Variants in DCAF16 observed in about 807,000 individuals in gnomAD.
DCAF16 encodes DDB1- and CUL4-associated factor 16.
In DCAF16, 10 loss-of-function variants were observed where a neutral mutation model predicts 17.3. The ratio of observed to expected loss-of-function variants is 0.58; its 90% CI spans 0.36 to 0.98. The LOEUF is 0.98. Among genes scored for constraint, DCAF16 ranks in the 50% least tolerant of loss-of-function variants. The pLI is 0.01. For missense variants in DCAF16, 249 were observed against 247.6 expected (o/e 1.01, Z -0.04); for synonymous variants, 111 against 92.8 (o/e 1.20, Z -1.12).
the DCAF16 span, among the ~76,000 whole-genome samples, chr4:17,794,051 T>C: frequency 6.6e-6 from 1 of 152,030 alleles, no homozygotes; most frequent in Non-Finnish European, 1.5e-5. Context: ...AAATATTATA[T>C]AGGAATATAT....
downstream of DCAF16, among the ~76,000 whole-genome samples, chr4:17,797,622 A>G (rs969077226): frequency 6.6e-6 from 1 of 152,238 alleles, no homozygotes; most frequent in African/African-American, 2.4e-5. Flanking sequence ...TGATTCAGAA[A>G]TTAGAGTTCT....
At chr4:17,795,721 A>C (rs1322333414), downstream of DCAF16, among the ~76,000 whole-genome samples, 1 of 152,226 alleles carries the variant, frequency 6.6e-6, no homozygotes, top group Non-Finnish European at 1.5e-5. Flanking sequence ...CTTTCTGAGA[A>C]TATCACAGCT....
At chr4:17,793,646 C>T in the DCAF16 span, among the ~76,000 whole-genome samples, 2 of 152,016 alleles carry the variant, frequency 1.3e-5, no homozygotes, top group African/African-American at 4.8e-5. Flanking sequence ...CTGAGAACAA[C>T]CAAAACTAAC....
At chr4:17,796,234 C>T (rs974116669), downstream of DCAF16, among the ~76,000 whole-genome samples, 2 of 152,166 alleles carry the variant, frequency 1.3e-5, no homozygotes, top group Admixed American at 6.5e-5. Context: ...GTACCTTGTG[C>T]CTTTAAATCC....
At chr4:17,808,578 T>C (rs1164801967) in intron 1 of DCAF16, among the ~76,000 whole-genome samples, 3 of 151,444 alleles carry the variant, frequency 2.0e-5, no homozygotes, top group Non-Finnish European at 4.4e-5. Flanking sequence ...ACTGAACCAA[T>C]ACCCCCATGG....
At chr4:17,799,769 ATTT>A (rs541451869), downstream of DCAF16, among the ~76,000 whole-genome samples, 1 of 152,174 alleles carries the variant, frequency 6.6e-6, no homozygotes, top group East Asian at 1.9e-4. Context: ...GCATGTATGG[ATTT>A]TTTTCTTTTC....
chr4:17,800,041 G>A (rs1055311909), downstream of DCAF16, among the ~76,000 whole-genome samples: 1 of 151,834 alleles, frequency 6.6e-6, no homozygotes, highest in African/African-American at 2.4e-5. Context: ...CAGCTACTCG[G>A]GAGGCTGAGG....
intron 1 of DCAF16, among the ~76,000 whole-genome samples, chr4:17,806,487 A>C (rs766393063): frequency 1.3e-5 from 2 of 152,246 alleles, no homozygotes; most frequent in African/African-American, 2.4e-5. Flanking sequence ...AGAAGGAAAA[A>C]CAAACAACAA....
the DCAF16 span, among the ~76,000 whole-genome samples, chr4:17,794,047 T>C: frequency 6.6e-6 from 1 of 152,102 alleles, no homozygotes; most frequent in South Asian, 2.1e-4. Flanking sequence ...TCTAAAATAT[T>C]ATATAGGAAT....
At chr4:17,808,596 C>T (rs1430948087) in intron 1 of DCAF16, among the ~76,000 whole-genome samples, 4 of 150,378 alleles carry the variant, frequency 2.7e-5, no homozygotes, top group Non-Finnish European at 5.9e-5. Flanking sequence ...TGGCTTTAAC[C>T]ATTAAAACAA....
At chr4:17,807,499 C>A (rs151081110) in intron 1 of DCAF16, among the ~76,000 whole-genome samples, 2 of 152,120 alleles carry the variant, frequency 1.3e-5, no homozygotes, top group South Asian at 2.1e-4. Context: ...AGTAACTGTT[C>A]GGAAGAACAG....
In DCAF16 at chr4:17,803,590, T is replaced by G. The variant is rs1424354601; in HGVS notation, c.552A>C (p.Lys184Asn). Reference protein sequence around the residue: ...VSGCCCGWLTKTVKETTRTEP... With the variant: ...VSGCCCGWLTNTVKETTRTEP... Reference sequence around the variant, plus strand: ...CAGTACGAGTTGTTTCCTTAACTGTTTTAGTCAGCCAGCCACAGCAACACC... The same window carrying G: ...CAGTACGAGTTGTTTCCTTAACTGTGTTAGTCAGCCAGCCACAGCAACACC... The change falls in exon 3 of 3, where the codon AAA becomes AAC. Residue 184 changes from lysine (K) to asparagine (N), a missense_variant. Coordinates refer to ENST00000382247, the MANE Select transcript of DCAF16 (RefSeq NM_017741.4). 1 of 1,614,200 alleles carries G rather than the reference T, an allele frequency of 6.2e-7. No individual in the cohort carries two copies. Among genetic ancestry groups the G allele is most frequent in the Admixed American group, 1.7e-5 (1 of 60,028 alleles).
At position 17,804,689 on chromosome 4, in the gene DCAF16, T is replaced by TATA. The variant is rs1335759153; in HGVS notation, c.-549_-548insTAT. On this transcript the variant is annotated 5_prime_UTR_variant, in exon 3 of 3. Coordinates refer to ENST00000382247, the MANE Select transcript of DCAF16 (RefSeq NM_017741.4). ...GTGTATAAGGATCCGATGCTTTCCA[T>TATA]AGGTGATGCAAATGCCCTTGGAAAC... is the stretch of plus-strand genomic sequence containing the variant. 1.2e-5 allele frequency: 2 copies of TATA among 169,670 alleles called. No homozygotes were observed. The highest frequency in any genetic ancestry group is 3.8e-4 in the East Asian group (2 of 5,222). The allele number at this position is 169,670 out of a possible 1,614,324, so 10.5% of individuals were successfully genotyped here.
chr4:17,798,878 T>C (rs953260314), downstream of DCAF16, among the ~76,000 whole-genome samples: 3 of 152,170 alleles, frequency 2.0e-5, no homozygotes, highest in Non-Finnish European at 1.5e-5. Context: ...AGACACATCA[T>C]AGACATTTTT....
rs1186739101 is a variant in DCAF16 at position 17,802,620 on chromosome 4, C to G, written c.*871G>C. 2 of 132,876 alleles carry G rather than the reference C, an allele frequency of 1.5e-5. No homozygotes were observed. The highest frequency in any genetic ancestry group is 5.6e-5 in the African/African-American group (2 of 35,784). 8.2% of individuals were successfully genotyped at this position (132,876 alleles called of 1,614,324 possible). ...CTGCCATTTTCCTTTGTGTAGTTACCCAGTTTAATTCAACTACCTCAAAAA... is the reference window on the plus strand; with the variant it reads ...CTGCCATTTTCCTTTGTGTAGTTACGCAGTTTAATTCAACTACCTCAAAAA... On this transcript the variant is annotated 3_prime_UTR_variant, in exon 3 of 3. Coordinates refer to ENST00000382247, the MANE Select transcript of DCAF16 (RefSeq NM_017741.4).
intron 2 of DCAF16, 82 bp from the exon 3 acceptor site, chr4:17,804,853 A>AT (rs1449458202): frequency 6.1e-6 from 1 of 164,876 alleles, no homozygotes; most frequent in Non-Finnish European, 1.5e-5. Flanking sequence ...ATCAGAACAA[A>AT]TGCTGAGCAA....
At position 17,801,708 on chromosome 4, in the gene DCAF16, C is replaced by A. The variant is rs934582474; in HGVS notation, c.*1783G>T. ...ACAAAACAAGACTCATTTACAAGGG[C>A]ATATACTCTTCCTTGTTTGGCCAGA... is the stretch of plus-strand genomic sequence containing the variant. On this transcript the variant is annotated 3_prime_UTR_variant, in exon 3 of 3. Transcript: ENST00000382247. 1 of 152,070 alleles carries A rather than the reference C, an allele frequency of 6.6e-6. No individual in the cohort carries two copies. Among genetic ancestry groups the A allele is most frequent in the Non-Finnish European group, 1.5e-5 (1 of 68,028 alleles). 9.4% of individuals were successfully genotyped at this position (152,070 alleles called of 1,614,324 possible).
At chr4:17,794,923 C>G in the DCAF16 span, among the ~76,000 whole-genome samples, 1 of 152,226 alleles carries the variant, frequency 6.6e-6, no homozygotes, top group Non-Finnish European at 1.5e-5. Flanking sequence ...AACCTCTGTC[C>G]TACTTACTTG....
rs1719692073 is a variant in DCAF16, at chr4:17,800,791, A to C, written c.*2700T>G. On this transcript the variant is annotated 3_prime_UTR_variant, in exon 3 of 3. Coordinates refer to ENST00000382247, the MANE Select transcript of DCAF16 (RefSeq NM_017741.4). Reference sequence around the variant, plus strand: ...AGAGAGAAAAAGGAACGTATTATGAACACATGAACATAAACATATTTTAAT... The same window carrying C: ...AGAGAGAAAAAGGAACGTATTATGACCACATGAACATAAACATATTTTAAT... The C allele has an allele frequency of 6.6e-6, 1 of 152,650 alleles. No individual in the cohort carries two copies. Among genetic ancestry groups the C allele is most frequent in the African/African-American group, 2.4e-5 (1 of 41,452 alleles). The allele number at this position is 152,650 out of a possible 1,614,324, so 9.5% of individuals were successfully genotyped here.
Sources: gnomAD v4.1 joint callset for allele counts (sites outside exome capture counted in the v4.1 genomes callset) on GRCh38, gnomAD v4.1.1 for gene constraint, MANE v1.5 for transcripts, NCBI Gene and HGNC (gene_info 2026-07-23, HGNC 2026-07-21) for gene names.